The following CEMIP variants were observed in gnomAD, a reference collection of about 807,000 sequenced individuals.
CEMIP encodes the protein cell migration inducing hyaluronidase 1.
In CEMIP, 105 loss-of-function variants were observed where a neutral mutation model predicts 156.9. The observed-to-expected ratio is 0.67, with a 90% CI of 0.57 to 0.79. The LOEUF (loss-of-function observed/expected upper bound fraction) is 0.79, where lower values mean the gene tolerates loss of function less well. CEMIP is among the 30% of genes least tolerant of loss of function. The probability of loss-of-function intolerance (pLI) is 0.00; values close to 1 mark genes in which losing one functional copy is unlikely to be tolerated. For missense variants in CEMIP, 1,457 were observed against 1,769.4 expected, an observed-to-expected ratio of 0.82 and a Z score of 3.17; for synonymous variants, 676 against 668.4, an observed-to-expected ratio of 1.01 and a Z score of -0.17.
At chr15:80,867,562 G>A (rs1182719475) in intron 1 of CEMIP, among the ~76,000 whole-genome samples, 2 of 151,592 alleles carry the variant, frequency 1.3e-5, no homozygotes, top group East Asian at 3.8e-4. Context: ...GATGCAGGCT[G>A]GGGTGCCCTG....
rs374820856 is a variant in CEMIP, at chr15:80,948,759, T to C, written c.3959-38T>C. The C allele has an allele frequency of 3.1e-6, 5 of 1,613,624 alleles. No homozygotes were observed. The African/African-American group carries it at 5.3e-5, about 17-fold the overall frequency. ...ACGGGGTGGGGCAGCCGTCCTCTCA[T>C]AGGGCTTTTGCTCAGGAGACTCATC... On this transcript the variant is annotated intron_variant, in intron 29 of 29. Coordinates refer to ENST00000394685, the MANE Select transcript of CEMIP (RefSeq NM_001293298.2).
intron 1 of CEMIP, among the ~76,000 whole-genome samples, chr15:80,818,258 C>T (rs1027422796): frequency 3.3e-5 from 5 of 152,224 alleles, no homozygotes; most frequent in Non-Finnish European, 7.3e-5. Flanking sequence ...CTTCTACCAT[C>T]ACCAGGGCAG....
Position 80,888,757 on chromosome 15 carries a change from G to A in CEMIP, c.925G>A (p.Glu309Lys), listed in dbSNP as rs759087523. The A allele has an allele frequency of 4.3e-6, 7 of 1,613,996 alleles. 1 individual carries two copies. In the Admixed American group the frequency reaches 5.0e-5, roughly 12 times the overall value. ...CAAATTGTTCCAGACAGAGCATGGC[G>A]AATATTTCAATGTTTCTTTGTCCAG... ...VFKLFQTEHG[E>K]YFNVSLSSEW... Residue 309 changes from glutamate (E) to lysine (K), a missense_variant, in exon 9 of 30, where the codon GAA becomes AAA. Glu to Lys is a moderately conservative substitution (Grantham distance 56). Transcript: ENST00000394685.
In CEMIP at chr15:80,929,070, C is replaced by A. The variant is rs956497500; in HGVS notation, c.2508C>A (p.Ser836Arg). 4 of 1,614,096 alleles carry A rather than the reference C, an allele frequency of 2.5e-6. No individual in the cohort carries two copies. The highest frequency in any genetic ancestry group is 3.3e-5 in the Admixed American group (2 of 60,008). ...DDGSKQEIKN[S>R]LFVGESGNVG... ...GCTCCAAGCAAGAGATAAAGAACAG[C>A]TTGTTTGTTGGCGAGAGTGGCAACG... is the stretch of plus-strand genomic sequence containing the variant. The change falls in exon 21 of 30, where the codon AGC (serine) becomes AGA (arginine). Residue 836 changes from serine (S) to arginine (R), a missense_variant. By Grantham distance (110) the Ser-to-Arg change is moderately radical. This residue lies in a region of CEMIP where 798 missense variants were observed against 980.1 expected (regional missense o/e 0.81). Transcript: ENST00000394685.
At position 80,839,285 on chromosome 15, in the gene CEMIP, C is replaced by T. The variant is rs913784011; in HGVS notation, c.-175-34253C>T. Reference sequence around the variant, plus strand: ...GGAGTGAAGGCTGTGGAGTCAAGGCCGTGAGTGTGTGTGTGTGTGTGTGTG... The same window carrying T: ...GGAGTGAAGGCTGTGGAGTCAAGGCTGTGAGTGTGTGTGTGTGTGTGTGTG... On this transcript the variant is annotated intron_variant, in intron 1 of 29. Coordinates refer to ENST00000394685, the MANE Select transcript of CEMIP (RefSeq NM_001293298.2). Among the ~76,000 whole-genome samples the T allele has an allele frequency of 6.2e-4, 37 of 60,092 alleles. 1 individual carries two copies. Among genetic ancestry groups the T allele is most frequent in the East Asian group, 1.6e-3 (2 of 1,228 alleles). 39.4% of individuals were successfully genotyped at this position (60,092 alleles called of 152,430 possible). A position where few individuals can be genotyped will look rare whatever the true frequency, so the allele number is the denominator to read the frequency against.
intron 19 of CEMIP, among the ~76,000 whole-genome samples, chr15:80,928,456 A>T (rs1333105813): frequency 6.6e-6 from 1 of 152,188 alleles, no homozygotes; most frequent in Non-Finnish European, 1.5e-5. Context: ...TCTATGGCTG[A>T]AACAGCAGTG....
intron 18 of CEMIP, 35 bp from the exon 19 acceptor site, chr15:80,925,589 C>G (rs370523142): frequency 6.2e-7 from 1 of 1,607,800 alleles, no homozygotes; most frequent in African/African-American, 1.3e-5. Context: ...GCCCCCAACA[C>G]CGCCACCTGT....
intron 19 of CEMIP, among the ~76,000 whole-genome samples, chr15:80,927,149 A>G (rs1310783052): frequency 6.6e-6 from 1 of 151,838 alleles, no homozygotes; most frequent in Non-Finnish European, 1.5e-5. Context: ...CATTTTGCAC[A>G]GGAGAAAAGA....
At chr15:80,902,178 G>A (rs1899591032) in intron 12 of CEMIP, among the ~76,000 whole-genome samples, 1 of 152,202 alleles carries the variant, frequency 6.6e-6, no homozygotes, top group Admixed American at 6.5e-5. Flanking sequence ...GTACTCTCTA[G>A]AGAGGGATCT....
chr15:80,883,053 G>C (rs1409827336), intron 6 of CEMIP, among the ~76,000 whole-genome samples: 2 of 152,124 alleles, frequency 1.3e-5, no homozygotes, highest in African/African-American at 2.4e-5. Context: ...AAACAAGTGT[G>C]AGGACCCAGG....
At chr15:80,900,642 G>GTC (rs1899472050) in intron 12 of CEMIP, among the ~76,000 whole-genome samples, 18 of 127,212 alleles carry the variant, frequency 1.4e-4, no homozygotes, top group African/African-American at 4.6e-4. Flanking sequence ...GTGTGTGTGT[G>GTC]TGTGTGTCTG....
intron 25 of CEMIP, among the ~76,000 whole-genome samples, chr15:80,939,190 C>T (rs1338227614): frequency 6.6e-6 from 1 of 152,186 alleles, no homozygotes; most frequent in Non-Finnish European, 1.5e-5. Flanking sequence ...TCCTCCGCCC[C>T]AGGGAGCACT....
At chr15:80,837,008 C>T (rs74854788) in intron 1 of CEMIP, among the ~76,000 whole-genome samples, 3,065 of 152,244 alleles carry the variant, frequency 0.02, 113 homozygotes, top group African/African-American at 0.07. Context: ...CAGAGCTGGC[C>T]CCAGAACCAC....
At chr15:80,787,875 T>G (rs1173554014) in intron 1 of CEMIP, among the ~76,000 whole-genome samples, 1 of 152,230 alleles carries the variant, frequency 6.6e-6, no homozygotes. Flanking sequence ...AAAACACTGA[T>G]GCTCAGAGTT....
intron 1 of CEMIP, among the ~76,000 whole-genome samples, chr15:80,828,039 A>G (rs79359429): frequency 0.031 from 4,687 of 152,302 alleles, 194 homozygotes; most frequent in African/African-American, 0.092. Context: ...AGGGTTAAAA[A>G]AAGGATTTCA....
chr15:80,873,989 A>T lies in CEMIP; in HGVS notation c.94+16A>T, dbSNP rs1405807058. Reference sequence around the variant, plus strand: ...ACATCCACAGGTGAGCACTGCAAACAGATGGACCTCTGTATCTCAGCATGG... The same window carrying T: ...ACATCCACAGGTGAGCACTGCAAACTGATGGACCTCTGTATCTCAGCATGG... On this transcript the variant is annotated intron_variant, in intron 3 of 29. Coordinates refer to ENST00000394685, the MANE Select transcript of CEMIP (RefSeq NM_001293298.2). 1 of 1,556,840 alleles carries T rather than the reference A, an allele frequency of 6.4e-7. No individual in the cohort carries two copies. The highest frequency in any genetic ancestry group is 2.3e-5 in the East Asian group (1 of 42,690).
At chr15:80,829,243 GT>G (rs1335276938) in intron 1 of CEMIP, among the ~76,000 whole-genome samples, 1 of 152,198 alleles carries the variant, frequency 6.6e-6, no homozygotes, top group Non-Finnish European at 1.5e-5. Context: ...TGAGGGGCTT[GT>G]CTTTCCCGCT....
In CEMIP at chr15:80,932,499, G is replaced by A. The variant is rs915606175; in HGVS notation, c.2793+460G>A. Among the ~76,000 whole-genome samples, 1 of 152,156 alleles carries A rather than the reference G, an allele frequency of 6.6e-6. No homozygotes were observed. The highest frequency in any genetic ancestry group is 2.4e-5 in the African/African-American group (1 of 41,434). The stretch of plus-strand genomic sequence containing the variant: ...AACAGAGGCCTCCTTGCCCTAGACA[G>A]AGAAGGCAGAAGAGGGGCGGAGGAT... On this transcript the variant is annotated intron_variant, in intron 22 of 29. Transcript: ENST00000394685. This position sits in a 1 kb window ranked among gnomAD's most constrained non-coding sequence, Gnocchi z 4.5.
chr15:80,940,171 A>C (rs1901285531), intron 25 of CEMIP, among the ~76,000 whole-genome samples: 1 of 152,202 alleles, frequency 6.6e-6, no homozygotes, highest in South Asian at 2.1e-4. Flanking sequence ...GGATTTGAGC[A>C]CTGGGCTGGC....
Sources: allele counts gnomAD v4.1 joint callset (sites outside exome capture counted in the v4.1 genomes callset), GRCh38; gene constraint gnomAD v4.1.1; regional missense constraint gnomAD v4.1.1; non-coding constraint Gnocchi (gnomAD v3.1); transcripts MANE v1.5; gene names NCBI Gene and HGNC (gene_info 2026-07-23, HGNC 2026-07-21).